The following YLPM1 variants were observed in gnomAD, a reference collection of about 807,000 sequenced individuals.
YLPM1 encodes YLP motif-containing protein 1.
A neutral mutation model predicts 230.0 loss-of-function variants in YLPM1; 99 were observed. The ratio of observed to expected loss-of-function variants is 0.43; its 90% CI spans 0.37 to 0.51. The LOEUF (loss-of-function observed/expected upper bound fraction) is 0.51, where lower values mean the gene tolerates loss of function less well. Among genes scored for constraint, YLPM1 ranks in the 20% least tolerant of loss-of-function variants. The pLI, the probability that YLPM1 is intolerant of heterozygous loss-of-function variation, is 0.00. For synonymous variants in YLPM1, 984 were observed against 942.5 expected, an observed-to-expected ratio of 1.04 and a Z score of -0.81; for missense variants, 2,592 against 2,707.7, an observed-to-expected ratio of 0.96 and a Z score of 0.95.
At position 74,781,561 on chromosome 14, in the gene YLPM1, G is replaced by A; in HGVS notation, c.1518G>A (p.Met506Ile). 6.2e-7 allele frequency: 1 copy of A among 1,613,978 alleles called. No homozygotes were observed. The highest frequency in any genetic ancestry group is 8.5e-7 in the Non-Finnish European group (1 of 1,179,892). The change falls in exon 4 of 21, where the codon ATG becomes ATA. Residue 506 changes from methionine (M) to isoleucine (I), a missense_variant. Met to Ile is a conservative substitution (Grantham distance 10). Transcript: ENST00000325680. Reference sequence around the variant, plus strand: ...AGAAAGTCAATTCATTTCAGAACATGAAGAACCAGTATATGGGGAACATGT... The same window carrying A: ...AGAAAGTCAATTCATTTCAGAACATAAAGAACCAGTATATGGGGAACATGT... Reference protein sequence around the residue: ...LQEKVNSFQNMKNQYMGNMSM... With the variant: ...LQEKVNSFQNIKNQYMGNMSM...
At chr14:74,805,403 G>A (rs1319679527) in intron 6 of YLPM1, among the ~76,000 whole-genome samples, 1 of 151,834 alleles carries the variant, frequency 6.6e-6, no homozygotes, top group African/African-American at 2.4e-5. Flanking sequence ...GAATACAGTG[G>A]TACAATCATA....
rs1273234804 is a variant in YLPM1, at chr14:74,802,571, G to C, written c.4416G>C (p.Gln1472His). ...ELKMLREQKE[Q>H]LQKMKDFGSE... is the part of the protein sequence containing the mutation. ...TTGTTTGCAGGGAACAGAAAGAACAGCTTCAAAAGATGAAAGACTTCGGGT... is the reference window on the plus strand; with the variant it reads ...TTGTTTGCAGGGAACAGAAAGAACACCTTCAAAAGATGAAAGACTTCGGGT... Residue 1472 changes from glutamine (Q) to histidine (H), a missense_variant, in exon 6 of 21, where the codon CAG becomes CAC. Around this residue, in one of 4 missense-constraint regions of YLPM1, gnomAD observed 403 missense variants for 426.7 expected, o/e 0.94. Transcript: ENST00000325680. 1 of 1,612,472 alleles carries C rather than the reference G, an allele frequency of 6.2e-7. No individual in the cohort carries two copies. Among genetic ancestry groups the C allele is most frequent in the Admixed American group, 1.7e-5 (1 of 59,716 alleles).
At chr14:74,827,780 C>G in intron 18 of YLPM1, 1 of 985,326 alleles carries the variant, frequency 1.0e-6, no homozygotes, top group African/African-American at 1.7e-5. Context: ...TGTGGGACTT[C>G]GTTGGTTTTC....
At chr14:74,816,021 A>T (rs536012462) in intron 11 of YLPM1, among the ~76,000 whole-genome samples, 182 bp from the exon 12 acceptor site, 26 of 152,182 alleles carry the variant, frequency 1.7e-4, no homozygotes, top group African/African-American at 6.3e-4. Context: ...TTCTAATTTC[A>T]TTCCACTGTG....
At chr14:74,819,874 T>TA (rs2091507473) in intron 16 of YLPM1, among the ~76,000 whole-genome samples, 1 of 152,210 alleles carries the variant, frequency 6.6e-6, no homozygotes, top group Non-Finnish European at 1.5e-5. Context: ...CTTCTCACTC[T>TA]TTAAAAGGGC....
Position 74,812,923 on chromosome 14 carries a change from A to G in YLPM1, c.5502+141A>G, listed in dbSNP as rs73305743. ...GACGTTTTACTATCTCTAAATCACC[A>G]TATAATCTCATAAATGGCCTACACT... On this transcript the variant is annotated intron_variant, in intron 11 of 20. Transcript: ENST00000325680. 1.1e-4 allele frequency: 128 copies of G among 1,121,798 alleles called. 1 individual carries two copies. In the African/African-American group the frequency reaches 1.6e-3, roughly 14 times the overall value. 69.5% of individuals were successfully genotyped at this position (1,121,798 alleles called of 1,614,324 possible).
Position 74,798,654 on chromosome 14 carries a change from T to C in YLPM1, c.3357T>C (p.Ser1119=), listed in dbSNP as rs767741718. The C allele has an allele frequency of 6.2e-7, 1 of 1,611,350 alleles. No homozygotes were observed. Among genetic ancestry groups the C allele is most frequent in the South Asian group, 1.1e-5 (1 of 90,866 alleles). Residue 1119 remains serine (S), a synonymous_variant, in exon 5 of 21, where the codon AGT becomes AGC. Transcript: ENST00000325680. ...RERGPPRRAG[S]QERGPLRRAG... ...GGGGACCACCTCGGAGGGCTGGCAG[T>C]CAGGAGAGGGGACCTCTTCGAAGGG...
Position 74,797,736 on chromosome 14 carries a change from C to T in YLPM1, c.2439C>T (p.Pro813=), listed in dbSNP as rs1192122573. 3 of 1,613,520 alleles carry T rather than the reference C, an allele frequency of 1.9e-6. No homozygotes were observed. In the African/African-American group the frequency reaches 4.0e-5, roughly 22 times the overall value. Residue 813 remains proline, a synonymous_variant, in exon 5 of 21, where the codon CCC becomes CCT. Transcript: ENST00000325680. The part of the protein sequence containing the change: ...EGTKSKWGMI[P]RGPASQFYIT... ...CTAAAAGCAAGTGGGGAATGATTCCCCGGGGGCCAGCATCTCAATTTTATA... is the reference window on the plus strand; with the variant it reads ...CTAAAAGCAAGTGGGGAATGATTCCTCGGGGGCCAGCATCTCAATTTTATA...
chr14:74,819,384 C>G (rs1282296235), intron 16 of YLPM1, among the ~76,000 whole-genome samples: 2 of 151,168 alleles, frequency 1.3e-5, no homozygotes, highest in African/African-American at 4.9e-5. Flanking sequence ...AGGCGATTCT[C>G]CTGCCTCAGC....
chr14:74,798,518 GAGGAGA>G lies in YLPM1; in HGVS notation c.3225_3230del (p.Glu1076_Gly1077del). 1 of 1,613,946 alleles carries G rather than the reference GAGGAGA, an allele frequency of 6.2e-7. No homozygotes were observed. The highest frequency in any genetic ancestry group is 1.7e-5 in the Admixed American group (1 of 60,026). On this transcript the variant is annotated inframe_deletion, in exon 5 of 21. Coordinates refer to ENST00000325680, the MANE Select transcript of YLPM1 (RefSeq NM_019589.3). ...GAAGATAGTCGAGAGAAGATGAACA[GAGGAGA>G]AGGTAGCCGGGACAGAGGGTTGGTG...
chr14:74,827,456 A>G, intron 18 of YLPM1: 1 of 985,418 alleles, frequency 1.0e-6, no homozygotes, highest in African/African-American at 1.7e-5. Flanking sequence ...TTCAAATTAA[A>G]CATTTCAAAA....
intron 6 of YLPM1, among the ~76,000 whole-genome samples, chr14:74,803,787 T>A (rs78628985): frequency 6.6e-6 from 1 of 152,174 alleles, no homozygotes; most frequent in African/African-American, 2.4e-5. Flanking sequence ...TTTACCTCCT[T>A]TGAATCAAAT....
intron 18 of YLPM1, 92 bp from the exon 19 acceptor site, chr14:74,829,121 T>G: frequency 6.6e-7 from 1 of 1,515,768 alleles, no homozygotes; most frequent in Non-Finnish European, 8.9e-7. Flanking sequence ...ATATGCCCTC[T>G]GAAAGCGTTC....
At chr14:74,826,089 G>A (rs1361832353) in intron 18 of YLPM1, among the ~76,000 whole-genome samples, 4 of 152,152 alleles carry the variant, frequency 2.6e-5, no homozygotes, top group Non-Finnish European at 5.9e-5. Context: ...TGAAGATCTG[G>A]TAATAAATCT....
rs2287401 is a variant in YLPM1 at position 74,781,966 on chromosome 14, G to A, written c.1923G>A (p.Gly641=). Residue 641 remains glycine, a synonymous_variant, in exon 4 of 21, where the codon GGG becomes GGA. Coordinates refer to ENST00000325680, the MANE Select transcript of YLPM1 (RefSeq NM_019589.3). ...TACCTCCCCCTGGAGTTCCACAAGGGATACCTCCTCAGTTAACAGCAGCCC... is the reference window on the plus strand; with the variant it reads ...TACCTCCCCCTGGAGTTCCACAAGGAATACCTCCTCAGTTAACAGCAGCCC... ...PGIPPPGVPQ[G]IPPQLTAAPV... 108 of 1,613,300 alleles carry A rather than the reference G, an allele frequency of 6.7e-5. No homozygotes were observed. Among genetic ancestry groups the A allele is most frequent in the South Asian group, 1.6e-4 (15 of 91,040 alleles).
At position 74,812,740 on chromosome 14, in the gene YLPM1, C is replaced by T. The variant is rs372350383; in HGVS notation, c.5460C>T (p.Asp1820=). 203 of 1,613,492 alleles carry T rather than the reference C, an allele frequency of 1.3e-4. No individual in the cohort carries two copies. The highest frequency in any genetic ancestry group is 5.8e-4 in the East Asian group (26 of 44,858). Residue 1820 remains aspartate (D), a synonymous_variant, in exon 11 of 21, where the codon GAC becomes GAT. Transcript: ENST00000325680. Reference sequence around the variant, plus strand: ...AGAAGCCTGAATCAAAGAATGTGGACGATATTTTGAAACCACCGGGCCGGG... The same window carrying T: ...AGAAGCCTGAATCAAAGAATGTGGATGATATTTTGAAACCACCGGGCCGGG... ...VEKKPESKNV[D]DILKPPGRES...
intron 1 of YLPM1, among the ~76,000 whole-genome samples, chr14:74,772,409 G>T (rs1304883543): frequency 2.0e-5 from 3 of 148,644 alleles, no homozygotes; most frequent in Non-Finnish European, 4.5e-5. Context: ...AGGCTGAAGT[G>T]CAGTGGCGCG....
chr14:74,808,541 G>A (rs1209637545), intron 6 of YLPM1, among the ~76,000 whole-genome samples: 1 of 152,098 alleles, frequency 6.6e-6, no homozygotes, highest in African/African-American at 2.4e-5. Flanking sequence ...GGTGGCTCAT[G>A]CCTGTAATCC....
chr14:74,765,336 A>G (rs1283085349), intron 1 of YLPM1, among the ~76,000 whole-genome samples: 1 of 152,216 alleles, frequency 6.6e-6, no homozygotes, highest in African/African-American at 2.4e-5. Context: ...AAACGCTCAG[A>G]TTTACCTATA....
Sources: gnomAD v4.1 joint callset for allele counts (sites outside exome capture counted in the v4.1 genomes callset) on GRCh38, gnomAD v4.1.1 for gene constraint, gnomAD v4.1.1 regional missense constraint, MANE v1.5 for transcripts, NCBI Gene and HGNC (gene_info 2026-07-23, HGNC 2026-07-21) for gene names.